ROBO1: variants seen among roughly 807,000 people sequenced by gnomAD.
ROBO1 encodes the protein roundabout guidance receptor 1.
A neutral mutation model predicts 195.9 loss-of-function variants in ROBO1; 149 were observed. That is an observed-to-expected ratio of 0.76 (90% CI 0.67 to 0.87). The LOEUF is 0.87. Ranked by LOEUF, ROBO1 falls within the 40% of genes least tolerant of loss-of-function variation. The pLI is 0.00. For missense variants in ROBO1, 1,933 were observed against 2,068.3 expected, an observed-to-expected ratio of 0.93 and a Z score of 1.27; for synonymous variants, 816 against 733.2, an observed-to-expected ratio of 1.11 and a Z score of -1.82.
chr3:79,218,374 C>T (rs1281501106), intron 2 of ROBO1, among the ~76,000 whole-genome samples: 1 of 151,900 alleles, frequency 6.6e-6, no homozygotes, highest in Non-Finnish European at 1.5e-5. Flanking sequence ...TTCCTATTTT[C>T]TTATACCCAG....
At position 78,966,832 on chromosome 3, in the gene ROBO1, T is replaced by A. The variant is rs1484515496; in HGVS notation, c.173-27905A>T. ...TCATCAGATCTGGTCTCTCTGTAGA[T>A]CCCACAGTAAATGAATTATCTGCTT... On this transcript the variant is annotated intron_variant, in intron 3 of 30. Coordinates refer to ENST00000464233, the MANE Select transcript of ROBO1 (RefSeq NM_002941.4). Among the ~76,000 whole-genome samples, 5 of 152,210 alleles carry A rather than the reference T, an allele frequency of 3.3e-5. No individual in the cohort carries two copies. The South Asian group carries it at 6.2e-4, about 19-fold the overall frequency.
chr3:79,699,813 G>GTA, intron 1 of ROBO1, among the ~76,000 whole-genome samples: 1 of 151,586 alleles, frequency 6.6e-6, no homozygotes, highest in East Asian at 1.9e-4. Context: ...GTTACTGTTT[G>GTA]CCTTTGGTCC....
At chr3:78,921,582 T>A (rs1282279482) in intron 4 of ROBO1, among the ~76,000 whole-genome samples, 1 of 152,228 alleles carries the variant, frequency 6.6e-6, no homozygotes, top group Non-Finnish European at 1.5e-5. Context: ...AAGCTCACCT[T>A]ATTTTAGGAA....
chr3:78,984,581 T>C (rs1310189904), intron 3 of ROBO1, among the ~76,000 whole-genome samples: 1 of 152,202 alleles, frequency 6.6e-6, no homozygotes, highest in Non-Finnish European at 1.5e-5. Context: ...TTCTCTGCTC[T>C]TTTAGCTCTC....
chr3:79,711,818 A>G (rs1201402195), intron 1 of ROBO1, among the ~76,000 whole-genome samples: 1 of 148,340 alleles, frequency 6.7e-6, no homozygotes, highest in Non-Finnish European at 1.5e-5. Flanking sequence ...TGTCTGTCAC[A>G]TTTGGTAATT....
At chr3:78,786,681 T>C (rs771626531) in intron 4 of ROBO1, among the ~76,000 whole-genome samples, 4 of 152,084 alleles carry the variant, frequency 2.6e-5, no homozygotes, top group Non-Finnish European at 5.9e-5. Context: ...ATAAAGGCAG[T>C]TCCCTTGCAC....
At chr3:78,664,838 T>C (rs1707639948) in intron 14 of ROBO1, among the ~76,000 whole-genome samples, 1 of 152,164 alleles carries the variant, frequency 6.6e-6, no homozygotes, top group Non-Finnish European at 1.5e-5. Context: ...CAGTGAAATA[T>C]TTTTGCAGGT....
intron 1 of ROBO1, among the ~76,000 whole-genome samples, chr3:79,647,566 A>AGGTGGGAGGAGG (rs71130607): frequency 2.0e-5 from 3 of 151,384 alleles, no homozygotes; most frequent in Admixed American, 6.6e-5. Flanking sequence ...TGGTTGACAC[A>AGGTGGGAGGAGG]TGTACTATCG....
chr3:79,294,462 A>C (rs2032462816), intron 2 of ROBO1, among the ~76,000 whole-genome samples: 1 of 152,228 alleles, frequency 6.6e-6, no homozygotes, highest in African/African-American at 2.4e-5. Context: ...GATGGATTAA[A>C]GACTTAAACG....
chr3:79,332,201 T>TA (rs71127379), intron 2 of ROBO1, among the ~76,000 whole-genome samples: 11,989 of 122,252 alleles, frequency 0.098, 553 homozygotes, highest in African/African-American at 0.16. Flanking sequence ...ATTGATGACC[T>TA]AAAAAAAAAA....
intron 2 of ROBO1, among the ~76,000 whole-genome samples, chr3:79,220,412 G>C (rs1869801): frequency 0.11 from 16,247 of 152,032 alleles, 2,249 homozygotes; most frequent in African/African-American, 0.32. Flanking sequence ...TCAGATTCTA[G>C]AGTGTAATAA....
chr3:78,837,018 C>T (rs1306073396), intron 4 of ROBO1, among the ~76,000 whole-genome samples: 1 of 152,046 alleles, frequency 6.6e-6, no homozygotes, highest in African/African-American at 2.4e-5. Context: ...AACCTAAACA[C>T]ATTGTAATTA....
chr3:79,433,468 T>C (rs1372020087), intron 2 of ROBO1, among the ~76,000 whole-genome samples: 1 of 151,970 alleles, frequency 6.6e-6, no homozygotes, highest in African/African-American at 2.4e-5. Context: ...ATAGCTCACA[T>C]CCTCACATCA....
intron 1 of ROBO1, among the ~76,000 whole-genome samples, chr3:79,690,601 G>A (rs1347949183): frequency 6.6e-6 from 1 of 151,944 alleles, no homozygotes; most frequent in African/African-American, 2.4e-5. Flanking sequence ...CTTGCCTTAA[G>A]TTGTTAAATT....
intron 2 of ROBO1, among the ~76,000 whole-genome samples, chr3:79,193,353 A>G (rs942417546): frequency 1.3e-5 from 2 of 151,614 alleles, no homozygotes; most frequent in African/African-American, 4.8e-5. Context: ...ATTTACATAT[A>G]TTATCTTATT....
intron 4 of ROBO1, among the ~76,000 whole-genome samples, chr3:78,865,521 G>C (rs1455685836): frequency 6.7e-6 from 1 of 149,780 alleles, no homozygotes; most frequent in Non-Finnish European, 1.5e-5. Flanking sequence ...GCCCAGGCTG[G>C]AGTGCAGTGG....
chr3:79,371,025 T>G (rs1340190618), intron 2 of ROBO1, among the ~76,000 whole-genome samples: 1 of 152,214 alleles, frequency 6.6e-6, no homozygotes, highest in African/African-American at 2.4e-5. Flanking sequence ...CTCATTCTCT[T>G]TTTATGGCTG....
chr3:78,774,083 T>C (rs2083444617), intron 4 of ROBO1, among the ~76,000 whole-genome samples: 1 of 152,218 alleles, frequency 6.6e-6, no homozygotes, highest in Non-Finnish European at 1.5e-5. Flanking sequence ...GAATAGTTGA[T>C]AGTATGTGGC....
chr3:78,698,410 C>G (rs1055191008), intron 8 of ROBO1, among the ~76,000 whole-genome samples: 1 of 152,032 alleles, frequency 6.6e-6, no homozygotes, highest in African/African-American at 2.4e-5. Flanking sequence ...TGTCTTTCAA[C>G]TTTTAAGACA....
Sources: gnomAD v4.1 joint callset for allele counts (sites outside exome capture counted in the v4.1 genomes callset) on GRCh38, gnomAD v4.1.1 for gene constraint, MANE v1.5 for transcripts, NCBI Gene and HGNC (gene_info 2026-07-23, HGNC 2026-07-21) for gene names.